The following APOOL variants were observed in gnomAD, a reference collection of about 807,000 sequenced individuals.
APOOL encodes the protein MICOS complex subunit MIC27.
In APOOL, 12 loss-of-function variants were observed where a neutral mutation model predicts 23.1. The ratio of observed to expected loss-of-function variants is 0.52; its 90% CI spans 0.33 to 0.84. The LOEUF (loss-of-function observed/expected upper bound fraction) is 0.84, where lower values mean the gene tolerates loss of function less well. APOOL is among the 40% of genes least tolerant of loss of function. APOOL has a pLI of 0.02. For synonymous variants in APOOL, 77 were observed against 69.9 expected, an observed-to-expected ratio of 1.10 and a Z score of -0.51; for missense variants, 212 against 199.6, an observed-to-expected ratio of 1.06 and a Z score of -0.37.
chrX:85,048,892 G>GT (rs1163094192), intron 2 of APOOL, among the ~76,000 whole-genome samples: 1 of 110,615 alleles, frequency 9.0e-6, no homozygotes, highest in Non-Finnish European at 1.9e-5. Flanking sequence ...AGAAAACTCT[G>GT]TAGCACCATG....
intron 1 of APOOL, among the ~76,000 whole-genome samples, chrX:85,005,315 T>C (rs1445037135): frequency 9.4e-6 from 1 of 106,542 alleles, no homozygotes; most frequent in Non-Finnish European, 1.9e-5. Context: ...CGGCTAAATT[T>C]TTTTATTTTT....
At chrX:85,049,191 T>C (rs1295161306) in intron 2 of APOOL, among the ~76,000 whole-genome samples, 1 of 111,721 alleles carries the variant, frequency 9.0e-6, no homozygotes, top group Non-Finnish European at 1.9e-5. Context: ...ACATACAAGT[T>C]CTATCTATAC....
In APOOL at chrX:85,088,316, G is replaced by GTTTTTTTTTTTTTTTTTTTT. The variant is rs766497759; in HGVS notation, c.*648_*667dup. The GTTTTTTTTTTTTTTTTTTTT allele has an allele frequency of 1.3e-4, 3 of 22,528 alleles. 1 individual carries two copies. Among genetic ancestry groups the GTTTTTTTTTTTTTTTTTTTT allele is most frequent in the Non-Finnish European group, 2.4e-4 (3 of 12,652 alleles). The allele number at this position is 22,528 out of a possible 1,213,427, so 1.9% of individuals were successfully genotyped here. A position where few individuals can be genotyped will look rare whatever the true frequency, so the allele number is the denominator to read the frequency against. On this transcript the variant is annotated 3_prime_UTR_variant, in exon 9 of 9. Transcript: ENST00000373173. ...TGTATGGAAAGGTGTGTTTCCCTCT[G>GTTTTTTTTTTTTTTTTTTTT]TTTTTTTTTTTTTTTTTTTTTTTTT...
At chrX:85,025,203 T>G (rs1191012658) in intron 1 of APOOL, among the ~76,000 whole-genome samples, 1 of 110,442 alleles carries the variant, frequency 9.1e-6, no homozygotes, top group Non-Finnish European at 1.9e-5. Context: ...TCCACACAGT[T>G]TTAAATGACC....
intron 2 of APOOL, 50 bp downstream of exon 2, chrX:85,046,600 C>A: frequency 1.0e-6 from 1 of 984,454 alleles, no homozygotes; most frequent in South Asian, 2.2e-5. Flanking sequence ...CAAGATGACA[C>A]AAAAGCTATA....
At chrX:85,010,357 T>A (rs1313636201) in intron 1 of APOOL, among the ~76,000 whole-genome samples, 1 of 111,920 alleles carries the variant, frequency 8.9e-6, no homozygotes, top group Non-Finnish European at 1.9e-5. Context: ...TTTGCCCATT[T>A]AAAAAAAATT....
At chrX:85,059,622 T>C (rs1321171423) in intron 5 of APOOL, among the ~76,000 whole-genome samples, 1 of 110,022 alleles carries the variant, frequency 9.1e-6, no homozygotes, top group South Asian at 4.0e-4. Context: ...ATTTCTCTGA[T>C]GGCCAGTGAT....
At chrX:85,036,967 G>T (rs1325689426) in intron 1 of APOOL, among the ~76,000 whole-genome samples, 1 of 111,137 alleles carries the variant, frequency 9.0e-6, no homozygotes, top group Non-Finnish European at 1.9e-5. Flanking sequence ...TACAATATTT[G>T]GTTTTCCATT....
chrX:85,046,327 A>G, intron 1 of APOOL, 119 bp from the exon 2 acceptor site: 1 of 534,251 alleles, frequency 1.9e-6, no homozygotes, highest in South Asian at 4.1e-5. Context: ...GGAGTGTTTG[A>G]GTATTTAATA....
intron 1 of APOOL, among the ~76,000 whole-genome samples, chrX:85,039,292 T>G (rs975877807): frequency 6.3e-5 from 7 of 110,716 alleles, no homozygotes; most frequent in African/African-American, 2.0e-4. Flanking sequence ...TCAGTTTTTT[T>G]TGTGTGTGTA....
intron 1 of APOOL, among the ~76,000 whole-genome samples, chrX:85,024,049 C>A (rs924247587): frequency 1.8e-5 from 2 of 111,703 alleles, no homozygotes; most frequent in African/African-American, 6.5e-5. Context: ...TCTCAGATAT[C>A]CCTGCCTAGA....
At chrX:85,004,264 A>G (rs750877129) in intron 1 of APOOL, among the ~76,000 whole-genome samples, 46 of 110,492 alleles carry the variant, frequency 4.2e-4, no homozygotes, top group Non-Finnish European at 7.9e-4. Flanking sequence ...AGAGAAAAAT[A>G]TATATATAAA....
At chrX:85,069,027 G>C (rs1923570582) in intron 6 of APOOL, among the ~76,000 whole-genome samples, 1 of 111,463 alleles carries the variant, frequency 9.0e-6, no homozygotes, top group African/African-American at 3.3e-5. Context: ...AATAATTGCT[G>C]AACTTCAAAT....
At chrX:85,019,025 C>T (rs773236114) in intron 1 of APOOL, among the ~76,000 whole-genome samples, 104 of 110,624 alleles carry the variant, frequency 9.4e-4, no homozygotes, top group Admixed American at 4.0e-3. Context: ...GGTCTTTGGT[C>T]GTGGTGGCTG....
intron 1 of APOOL, among the ~76,000 whole-genome samples, chrX:85,021,258 A>G (rs1246993343): frequency 9.1e-6 from 1 of 110,461 alleles, no homozygotes; most frequent in Non-Finnish European, 1.9e-5. Context: ...CTGGCCCCAG[A>G]ACCCAGGCCA....
intron 5 of APOOL, among the ~76,000 whole-genome samples, chrX:85,056,844 C>T (rs1323282884): frequency 8.9e-6 from 1 of 111,974 alleles, no homozygotes; most frequent in East Asian, 2.8e-4. Context: ...AACCAGGATA[C>T]AGAACAGTTA....
intron 4 of APOOL, among the ~76,000 whole-genome samples, chrX:85,055,288 A>C (rs1473087489): frequency 1.8e-5 from 2 of 111,982 alleles, no homozygotes; most frequent in Non-Finnish European, 3.8e-5. Context: ...ACTACTCTTC[A>C]TCTACTTTTT....
At position 85,062,727 on chromosome X, in the gene APOOL, GT is replaced by G. The variant is rs201544624; in HGVS notation, c.395-4395del. On this transcript the variant is annotated intron_variant, in intron 5 of 8. Coordinates refer to ENST00000373173, the MANE Select transcript of APOOL (RefSeq NM_198450.6). ...TTCTGCTCCATTGGTCTGTGTGCCC[GT>G]TTTTGTACCAATACCTTGCTGTTTT... 1.7e-4 allele frequency among the ~76,000 whole-genome samples: 19 copies of G among 111,401 alleles called. No homozygotes were observed. In the East Asian group the frequency reaches 5.4e-3, roughly 32 times the overall value.
chrX:85,038,524 GTTTTTTTTTTTTT>G (rs56248244), intron 1 of APOOL, among the ~76,000 whole-genome samples: 1 of 43,445 alleles, frequency 2.3e-5, no homozygotes, highest in Admixed American at 3.0e-4. Flanking sequence ...TCTGGTACAA[GTTTTTTTTTTTTT>G]TTTTTTTTTT....
Sources: gnomAD v4.1 joint callset for allele counts (sites outside exome capture counted in the v4.1 genomes callset) on GRCh38, gnomAD v4.1.1 for gene constraint, MANE v1.5 for transcripts, NCBI Gene and HGNC (gene_info 2026-07-23, HGNC 2026-07-21) for gene names.